FAM124A: variants seen among roughly 807,000 people sequenced by gnomAD.
The protein encoded by FAM124A is family with sequence similarity 124 member A.
FAM124A carries 23 observed loss-of-function variants against 24.5 expected under a neutral mutation model. That is an observed-to-expected ratio of 0.94 (90% CI 0.68 to 1.33). The LOEUF is 1.33. Ranked by LOEUF, FAM124A falls within the 40% of genes most tolerant of loss-of-function variation. The probability of loss-of-function intolerance (pLI) is 0.00; values close to 1 mark genes in which losing one functional copy is unlikely to be tolerated. For missense variants in FAM124A, 623 were observed against 722.8 expected (o/e 0.86, Z 1.58); for synonymous variants, 287 against 314.7 (o/e 0.91, Z 0.93).
rs951452827 is a variant in FAM124A, at chr13:51,280,369, T to C, written c.835-81T>C. On this transcript the variant is annotated intron_variant, in intron 3 of 3. Transcript: ENST00000322475. ...TATTGCCATGACATTGCCAGGAGTT[T>C]CCAATGATTGGTAACTGTGTTTCCT... 6.3e-6 allele frequency: 8 copies of C among 1,267,816 alleles called. No homozygotes were observed. The African/African-American group carries it at 1.2e-4, about 19-fold the overall frequency. The allele number at this position is 1,267,816 out of a possible 1,614,324, so 78.5% of individuals were successfully genotyped here. A position where few individuals can be genotyped will look rare whatever the true frequency, so the allele number is the denominator to read the frequency against.
In FAM124A at chr13:51,251,397, C is replaced by T; in HGVS notation, c.101-71C>T. Reference sequence around the variant, plus strand: ...CTCTTCCTGTCAAGCCTGTACACGTCATCACTGGACACTTTAATGAAATAA... The same window carrying T: ...CTCTTCCTGTCAAGCCTGTACACGTTATCACTGGACACTTTAATGAAATAA... On this transcript the variant is annotated intron_variant, in intron 2 of 3. Transcript: ENST00000322475. This position sits in a 1 kb window ranked among gnomAD's most constrained non-coding sequence, Gnocchi z 5.3. The T allele has an allele frequency of 6.9e-7, 1 of 1,451,022 alleles. No homozygotes were observed. Among genetic ancestry groups the T allele is most frequent in the Non-Finnish European group, 9.1e-7 (1 of 1,099,308 alleles). 89.9% of individuals were successfully genotyped at this position (1,451,022 alleles called of 1,614,324 possible).
chr13:51,236,247 C>A (rs1234950415), intron 2 of FAM124A, among the ~76,000 whole-genome samples: 2 of 152,140 alleles, frequency 1.3e-5, no homozygotes, highest in Non-Finnish European at 2.9e-5. Flanking sequence ...AATTACAAGC[C>A]GTTATAGCTG....
Position 51,280,935 on chromosome 13 carries a change from A to G in FAM124A, c.1320A>G (p.Thr440=), listed in dbSNP as rs771549646. The G allele has an allele frequency of 6.0e-5, 97 of 1,613,982 alleles. No individual in the cohort carries two copies. Among genetic ancestry groups the G allele is most frequent in the Non-Finnish European group, 8.0e-5 (94 of 1,180,014 alleles). The part of the protein sequence containing the change: ...AYSAPSRFCS[T]VETPLPSERC... ...CTGCACCCAGTAGGTTCTGCAGCACAGTGGAGACACCCCTCCCCTCCGAAA... is the reference window on the plus strand; with the variant it reads ...CTGCACCCAGTAGGTTCTGCAGCACGGTGGAGACACCCCTCCCCTCCGAAA... The change falls in exon 4 of 4, where the codon ACA becomes ACG. Residue 440 remains threonine (T), a synonymous_variant. Transcript: ENST00000322475.
intron 2 of FAM124A, among the ~76,000 whole-genome samples, chr13:51,235,842 G>C (rs1954429960): frequency 6.6e-6 from 1 of 152,212 alleles, no homozygotes; most frequent in South Asian, 2.1e-4. Flanking sequence ...TGTGGCTGTG[G>C]AAGTCAGGGA....
intron 2 of FAM124A, among the ~76,000 whole-genome samples, chr13:51,232,884 C>A (rs1954393532): frequency 6.6e-6 from 1 of 152,214 alleles, no homozygotes; most frequent in Non-Finnish European, 1.5e-5. Flanking sequence ...CTATAGTTAT[C>A]AAAACTGGTA....
intron 3 of FAM124A, among the ~76,000 whole-genome samples, chr13:51,275,416 C>T (rs1321170299): frequency 1.3e-5 from 2 of 152,044 alleles, no homozygotes; most frequent in African/African-American, 4.8e-5. Flanking sequence ...CAGTAAGTAC[C>T]AGCCTTAAAG....
At chr13:51,245,207 G>C (rs1384491341) in intron 2 of FAM124A, 1 of 470,014 alleles carries the variant, frequency 2.1e-6, no homozygotes, top group African/African-American at 2.0e-5. Flanking sequence ...GTCGGACCAG[G>C]TGTGCCATTT....
At chr13:51,223,841 C>CT (rs528474911) in intron 1 of FAM124A, among the ~76,000 whole-genome samples, 86 of 151,824 alleles carry the variant, frequency 5.7e-4, no homozygotes, top group African/African-American at 1.9e-3. Context: ...AGATTATTGG[C>CT]TTTTTTTTTC....
rs1175036426 is a variant in FAM124A at position 51,258,415 on chromosome 13, T to A, written c.834+6214T>A. Reference sequence around the variant, plus strand: ...TCTCTGTTATTATATTGTCAAAAAATGAATGAGTGTGAGCTGGGGATAGAG... The same window carrying A: ...TCTCTGTTATTATATTGTCAAAAAAAGAATGAGTGTGAGCTGGGGATAGAG... On this transcript the variant is annotated intron_variant, in intron 3 of 3. Transcript: ENST00000322475. This position sits in a 1 kb window ranked among gnomAD's most constrained non-coding sequence, Gnocchi z 4.2. 6.6e-6 allele frequency among the ~76,000 whole-genome samples: 1 copy of A among 152,180 alleles called. No homozygotes were observed. Among genetic ancestry groups the A allele is most frequent in the East Asian group, 1.9e-4 (1 of 5,194 alleles).
intron 2 of FAM124A, among the ~76,000 whole-genome samples, chr13:51,236,895 A>G (rs1350186429): frequency 1.3e-5 from 2 of 152,208 alleles, no homozygotes; most frequent in Non-Finnish European, 2.9e-5. Flanking sequence ...CTCAAAACAA[A>G]TATTCTTCCA....
At chr13:51,245,365 G>A (rs747673028) in intron 2 of FAM124A, 8 of 697,562 alleles carry the variant, frequency 1.1e-5, no homozygotes, top group East Asian at 2.7e-5. Flanking sequence ...CTGTACACAC[G>A]GTGACAAAGA....
intron 3 of FAM124A, among the ~76,000 whole-genome samples, chr13:51,273,009 GA>G (rs1188948256): frequency 6.6e-6 from 1 of 152,126 alleles, no homozygotes; most frequent in African/African-American, 2.4e-5. Context: ...AAGCTTTGTA[GA>G]ACTAATGTGT....
chr13:51,279,853 A>G (rs1421849592), intron 3 of FAM124A, among the ~76,000 whole-genome samples: 1 of 152,188 alleles, frequency 6.6e-6, no homozygotes, highest in Non-Finnish European at 1.5e-5. Context: ...GCTAACCCCG[A>G]TAGCCCCTCA....
intron 3 of FAM124A, among the ~76,000 whole-genome samples, chr13:51,264,593 C>T (rs1054859917): frequency 1.6e-4 from 25 of 152,190 alleles, no homozygotes; most frequent in African/African-American, 6.0e-4. Flanking sequence ...CCGTGAATAG[C>T]CACTGCACTC....
In FAM124A at chr13:51,282,887, GGAGT is replaced by G. The variant is rs1164364210; in HGVS notation, c.*1632_*1635del. ...AATATAGTCTCCTAATTCAGGATAA[GGAGT>G]AAGCAAACTTTCTGAAAAGGGCTAG... On this transcript the variant is annotated 3_prime_UTR_variant, in exon 4 of 4. Transcript: ENST00000322475. 1 of 152,188 alleles carries G rather than the reference GGAGT, an allele frequency of 6.6e-6. No individual in the cohort carries two copies. The highest frequency in any genetic ancestry group is 2.4e-5 in the African/African-American group (1 of 41,438). The allele number at this position is 152,188 out of a possible 1,614,324, so 9.4% of individuals were successfully genotyped here.
chr13:51,232,384 C>T (rs544287532), intron 2 of FAM124A, among the ~76,000 whole-genome samples: 2 of 151,928 alleles, frequency 1.3e-5, no homozygotes, highest in Admixed American at 1.3e-4. Flanking sequence ...ATTGTTTTGC[C>T]CTATCTCACT....
chr13:51,273,788 C>T (rs769755320), intron 3 of FAM124A, among the ~76,000 whole-genome samples: 33 of 152,184 alleles, frequency 2.2e-4, no homozygotes, highest in South Asian at 4.1e-4. Flanking sequence ...TTGTTTCTGT[C>T]AGCTCCTCCT....
Position 51,281,223 on chromosome 13 carries a change from C to CGG in FAM124A, c.1611_1612dup (p.Asp538GlyfsTer43), listed in dbSNP as rs1566177647. 6.3e-7 allele frequency: 1 copy of CGG among 1,592,522 alleles called. No individual in the cohort carries two copies. Among genetic ancestry groups the CGG allele is most frequent in the Non-Finnish European group, 8.5e-7 (1 of 1,171,034 alleles). On this transcript the variant is annotated frameshift_variant, in exon 4 of 4. Transcript: ENST00000322475. LOFTEE classifies it high-confidence loss of function. ...CACCACCCCCAGGGTCGGCTGGCCC[C>CGG]GGGGATAACGACATGGAGGAATTCT...
chr13:51,256,669 T>C (rs778669680), intron 3 of FAM124A, among the ~76,000 whole-genome samples: 9 of 152,228 alleles, frequency 5.9e-5, no homozygotes, highest in Non-Finnish European at 7.3e-5. Flanking sequence ...CAGAGACTTA[T>C]TTTGTAATTG....
Sources: gnomAD v4.1 joint callset for allele counts (sites outside exome capture counted in the v4.1 genomes callset) on GRCh38, gnomAD v4.1.1 for gene constraint, Gnocchi (gnomAD v3.1) non-coding constraint, MANE v1.5 for transcripts, NCBI Gene and HGNC (gene_info 2026-07-23, HGNC 2026-07-21) for gene names.